Variants in KIF25 observed in about 807,000 individuals in gnomAD.
KIF25 encodes the protein kinesin family member 25, also known as kinesin-like protein KIF25.
A neutral mutation model predicts 32.9 loss-of-function variants in KIF25; 19 were observed. That is an observed-to-expected ratio of 0.58 (90% confidence interval 0.40 to 0.85). The LOEUF (loss-of-function observed/expected upper bound fraction) is 0.85, where lower values mean the gene tolerates loss of function less well. KIF25 is among the 40% of genes least tolerant of loss of function. The pLI is 0.00. For missense variants in KIF25, 485 were observed against 507.0 expected (o/e 0.96, Z 0.42); for synonymous variants, 225 against 213.7 (o/e 1.05, Z -0.46).
chr6:168,014,420 C>T (rs12199910), intron 4 of KIF25, among the ~76,000 whole-genome samples: 52,274 of 152,076 alleles, frequency 0.34, 9,229 homozygotes, highest in South Asian at 0.42. Context: ...CCATCTTACT[C>T]GTCAAAATAG....
intron 5 of KIF25, among the ~76,000 whole-genome samples, chr6:168,026,789 T>C (rs1198470283): frequency 6.6e-6 from 1 of 152,206 alleles, no homozygotes; most frequent in Non-Finnish European, 1.5e-5. Context: ...GAATAAGTCA[T>C]GTTCATTGTT....
chr6:168,018,488 C>T lies in KIF25; in HGVS notation c.-95+448C>T, dbSNP rs1226446524. Among the ~76,000 whole-genome samples the T allele has an allele frequency of 2.6e-5, 4 of 152,270 alleles. No individual in the cohort carries two copies. The South Asian group carries it at 8.3e-4, about 32-fold the overall frequency. ...TACAATGGGTTTCTCAGGTCACAAC[C>T]CCATCATAAGACGAGGGACATCTGT... On this transcript the variant is annotated intron_variant, in intron 5 of 12. Transcript: ENST00000643607.
At chr6:168,011,132 G>A (rs1583127885) in intron 4 of KIF25, among the ~76,000 whole-genome samples, 2 of 152,096 alleles carry the variant, frequency 1.3e-5, no homozygotes, top group South Asian at 4.2e-4. Context: ...TAATAGGTGA[G>A]GACTTACTCT....
At chr6:168,010,970 A>T (rs1798640103) in intron 4 of KIF25, among the ~76,000 whole-genome samples, 1 of 148,206 alleles carries the variant, frequency 6.7e-6, no homozygotes, top group South Asian at 2.2e-4. Flanking sequence ...ATTTTTTTCC[A>T]TCCCTTCACT....
rs1002699650 is a variant in KIF25, at chr6:168,031,934, C to T, written c.167+1087C>T. Among the ~76,000 whole-genome samples the T allele has an allele frequency of 1.7e-4, 26 of 152,116 alleles. 2 individuals carry two copies. Among genetic ancestry groups the T allele is most frequent in the Non-Finnish European group, 4.4e-5 (3 of 68,028 alleles). On this transcript the variant is annotated intron_variant, in intron 7 of 12. Transcript: ENST00000643607. Reference sequence around the variant, plus strand: ...CCTGAGAGCACATGCCCAGGGTGGTCGGGCGCAGCTTGGTTTTGTACATTT... The same window carrying T: ...CCTGAGAGCACATGCCCAGGGTGGTTGGGCGCAGCTTGGTTTTGTACATTT...
In KIF25 at chr6:168,007,072, A is replaced by G. The variant is rs149641072; in HGVS notation, c.-163+3369A>G. On this transcript the variant is annotated intron_variant, in intron 4 of 12. Transcript: ENST00000643607. ...CATCTACAACATGATAATTTAATAT[A>G]CAGATGTATATGATTACCATCCATC... is the stretch of plus-strand genomic sequence containing the variant. Among the ~76,000 whole-genome samples, 333 of 152,366 alleles carry G rather than the reference A, an allele frequency of 2.2e-3. 3 individuals carry two copies. Among genetic ancestry groups the G allele is most frequent in the African/African-American group, 7.6e-3 (317 of 41,582 alleles).
At chr6:168,036,998 G>C (rs1182643714) in intron 8 of KIF25, among the ~76,000 whole-genome samples, 1 of 152,150 alleles carries the variant, frequency 6.6e-6, no homozygotes, top group Non-Finnish European at 1.5e-5. Context: ...GGTGGCAGAG[G>C]TTGCAGTGAG....
chr6:168,008,989 G>A (rs964255406), intron 4 of KIF25, among the ~76,000 whole-genome samples: 2 of 152,020 alleles, frequency 1.3e-5, no homozygotes, highest in African/African-American at 4.8e-5. Context: ...GAGTCTTTAG[G>A]ATTTTCTATA....
chr6:168,008,291 T>G (rs944299521), intron 4 of KIF25, among the ~76,000 whole-genome samples: 22 of 152,244 alleles, frequency 1.4e-4, no homozygotes, highest in African/African-American at 5.3e-4. Flanking sequence ...CTTCTGTATA[T>G]GGATTTCCAG....
intron 4 of KIF25, among the ~76,000 whole-genome samples, chr6:168,004,062 G>A (rs1428546382): frequency 6.6e-6 from 1 of 152,200 alleles, no homozygotes; most frequent in African/African-American, 2.4e-5. Context: ...GCATGATTTT[G>A]TTTCTCCTGA....
At chr6:168,006,071 C>T (rs533899114) in intron 4 of KIF25, among the ~76,000 whole-genome samples, 1 of 152,298 alleles carries the variant, frequency 6.6e-6, no homozygotes, top group African/African-American at 2.4e-5. Flanking sequence ...GCATGAGCCT[C>T]CTGCTTCTCA....
intron 5 of KIF25, among the ~76,000 whole-genome samples, chr6:168,018,878 C>T (rs1009836222): frequency 6.6e-6 from 1 of 152,204 alleles, no homozygotes; most frequent in African/African-American, 2.4e-5. Flanking sequence ...AGAGGGTTCC[C>T]CTCAAGCCTC....
chr6:168,044,270 G>C (rs1396050769), intron 12 of KIF25, among the ~76,000 whole-genome samples: 1 of 140,720 alleles, frequency 7.1e-6, no homozygotes, highest in Admixed American at 7.1e-5. Context: ...CTAGTGACCG[G>C]CTGCTGACCC....
At chr6:168,040,973 G>A (rs951766926) in intron 10 of KIF25, among the ~76,000 whole-genome samples, 2 of 152,206 alleles carry the variant, frequency 1.3e-5, no homozygotes, top group African/African-American at 4.8e-5. Context: ...AGCAGGTGGT[G>A]GGAACTAATA....
intron 4 of KIF25, among the ~76,000 whole-genome samples, chr6:168,006,516 G>A (rs982366666): frequency 1.5e-4 from 23 of 152,174 alleles, no homozygotes; most frequent in East Asian, 3.8e-4. Context: ...GGCACCGGGC[G>A]ATTGCACCTG....
intron 9 of KIF25, among the ~76,000 whole-genome samples, chr6:168,039,302 T>G (rs1799081669): frequency 6.6e-6 from 1 of 152,206 alleles, no homozygotes; most frequent in Non-Finnish European, 1.5e-5. Flanking sequence ...CATCCACATT[T>G]GTAAATATCA....
At chr6:168,024,092 C>T (rs1390470938) in intron 5 of KIF25, among the ~76,000 whole-genome samples, 2 of 149,794 alleles carry the variant, frequency 1.3e-5, no homozygotes, top group Non-Finnish European at 2.9e-5. Context: ...ATACACGGTG[C>T]TGGTGGTTCA....
chr6:168,035,027 T>A lies in KIF25; in HGVS notation c.317+996T>A, dbSNP rs190530578. 2.2e-3 allele frequency among the ~76,000 whole-genome samples: 331 copies of A among 151,486 alleles called. 1 individual carries two copies. Among genetic ancestry groups the A allele is most frequent in the African/African-American group, 7.7e-3 (317 of 41,242 alleles). On this transcript the variant is annotated intron_variant, in intron 8 of 12. Coordinates refer to ENST00000643607, the MANE Select transcript of KIF25 (RefSeq NM_030615.4). The stretch of plus-strand genomic sequence containing the variant: ...TTTTCCTTCTGCTAAGCAAACTCTT[T>A]AAGTTCCAGAAACAAAGGCTCAGGC...
chr6:168,024,286 C>G (rs1182005136), intron 5 of KIF25, among the ~76,000 whole-genome samples: 1 of 152,120 alleles, frequency 6.6e-6, no homozygotes, highest in East Asian at 1.9e-4. Context: ...TATGCAAACA[C>G]TTGTGGAACT....
Sources: allele counts gnomAD v4.1 joint callset (sites outside exome capture counted in the v4.1 genomes callset), GRCh38; gene constraint gnomAD v4.1.1; transcripts MANE v1.5; gene names NCBI Gene and HGNC (gene_info 2026-07-23, HGNC 2026-07-21).